LRRC4C: variants seen among roughly 807,000 people sequenced by gnomAD.
The protein encoded by LRRC4C is leucine-rich repeat-containing protein 4C.
Under a neutral mutation model 33.6 loss-of-function variants are expected in LRRC4C, and 5 were observed. That is an observed-to-expected ratio of 0.15 (90% CI 0.08 to 0.31). The LOEUF is 0.31. Ranked by LOEUF, LRRC4C falls within the 10% of genes least tolerant of loss-of-function variation. The pLI is 1.00. For synonymous variants in LRRC4C, 329 were observed against 302.0 expected, an observed-to-expected ratio of 1.09 and a Z score of -0.93; for missense variants, 560 against 796.7, an observed-to-expected ratio of 0.70 and a Z score of 3.58.
intron 1 of LRRC4C, among the ~76,000 whole-genome samples, chr11:41,016,971 T>C (rs1855630375): frequency 6.6e-6 from 1 of 152,158 alleles, no homozygotes; most frequent in South Asian, 2.1e-4. Flanking sequence ...CTCGGATAAT[T>C]TTTTAGTGTA....
At chr11:40,661,263 C>A (rs1309638753) in intron 2 of LRRC4C, among the ~76,000 whole-genome samples, 2 of 151,762 alleles carry the variant, frequency 1.3e-5, no homozygotes, top group Non-Finnish European at 2.9e-5. Flanking sequence ...AGAATATCAT[C>A]TATTTTCTAA....
At chr11:41,322,058 T>A (rs1950975156) in intron 1 of LRRC4C, among the ~76,000 whole-genome samples, 1 of 151,928 alleles carries the variant, frequency 6.6e-6, no homozygotes. Flanking sequence ...AGAGATGGGG[T>A]TTTACCATGT....
chr11:40,277,024 G>C (rs1422519922), intron 4 of LRRC4C, among the ~76,000 whole-genome samples: 2 of 152,104 alleles, frequency 1.3e-5, no homozygotes, highest in Non-Finnish European at 2.9e-5. Context: ...AAGGTAAAGA[G>C]TGTTAAGAGT....
rs140529151 is a variant in LRRC4C, at chr11:40,550,676, C to A, written c.-270+97466G>T. Among the ~76,000 whole-genome samples, 29 of 152,104 alleles carry A rather than the reference C, an allele frequency of 1.9e-4. No homozygotes were observed. The East Asian group carries it at 3.3e-3, about 17-fold the overall frequency. On this transcript the variant is annotated intron_variant, in intron 3 of 6. Transcript: ENST00000528697. ...AGTGTTATTTATGGTATATTATGAC[C>A]CAGTGGTGACACACAGAATGGTATT... is the stretch of plus-strand genomic sequence containing the variant.
At chr11:40,803,136 A>G (rs1029899696) in intron 2 of LRRC4C, among the ~76,000 whole-genome samples, 1 of 152,190 alleles carries the variant, frequency 6.6e-6, no homozygotes, top group Non-Finnish European at 1.5e-5. Flanking sequence ...TATTTCTGTA[A>G]TATTTGCTAT....
chr11:41,298,138 T>C (rs1011272340), intron 1 of LRRC4C, among the ~76,000 whole-genome samples: 2 of 152,170 alleles, frequency 1.3e-5, no homozygotes, highest in Non-Finnish European at 2.9e-5. Context: ...CAGAAAGCCA[T>C]GTACTTCCCA....
intron 1 of LRRC4C, among the ~76,000 whole-genome samples, chr11:41,184,300 C>T (rs1945591042): frequency 6.6e-6 from 1 of 151,570 alleles, no homozygotes; most frequent in Admixed American, 6.6e-5. Context: ...ATTTTTCAAA[C>T]CTTTATGCTC....
intron 1 of LRRC4C, among the ~76,000 whole-genome samples, chr11:41,094,394 T>G (rs960265691): frequency 6.6e-6 from 1 of 151,972 alleles, no homozygotes; most frequent in East Asian, 2.0e-4. Context: ...CCTGGTGGCG[T>G]GTGCCTGTAG....
rs367778282 is a variant in LRRC4C, at chr11:40,828,119, T to C, written c.-407+105516A>G. Among the ~76,000 whole-genome samples, 6 of 149,948 alleles carry C rather than the reference T, an allele frequency of 4.0e-5. No homozygotes were observed. In the South Asian group the frequency reaches 6.3e-4, roughly 16 times the overall value. ...AATTATACTTGAACAAAACGATATG[T>C]ATACTGCCCTTTATTTTGTATGTAT... On this transcript the variant is annotated intron_variant, in intron 2 of 6. Coordinates refer to ENST00000528697, the MANE Select transcript of LRRC4C (RefSeq NM_001258419.2).
chr11:40,955,017 C>G (rs1172401075), intron 1 of LRRC4C, among the ~76,000 whole-genome samples: 1 of 151,764 alleles, frequency 6.6e-6, no homozygotes, highest in Non-Finnish European at 1.5e-5. Context: ...TTGCACAGCC[C>G]CCACCTACAC....
At chr11:41,304,942 C>T (rs1950439331) in intron 1 of LRRC4C, among the ~76,000 whole-genome samples, 1 of 125,754 alleles carries the variant, frequency 8.0e-6, no homozygotes. Flanking sequence ...ACCTGCTGGG[C>T]CAGCCGCCCC....
intron 3 of LRRC4C, among the ~76,000 whole-genome samples, chr11:40,406,721 G>A (rs1949977543): frequency 6.6e-6 from 1 of 151,962 alleles, no homozygotes; most frequent in South Asian, 2.1e-4. Flanking sequence ...TCTAAAATAT[G>A]TATTGAAAAT....
At chr11:40,160,814 C>A (rs1267939262) in intron 5 of LRRC4C, among the ~76,000 whole-genome samples, 2 of 152,144 alleles carry the variant, frequency 1.3e-5, no homozygotes, top group African/African-American at 4.8e-5. Context: ...CCTATTTTCC[C>A]TAACCATGAT....
At chr11:41,192,181 T>C (rs910517568) in intron 1 of LRRC4C, among the ~76,000 whole-genome samples, 3 of 152,160 alleles carry the variant, frequency 2.0e-5, no homozygotes, top group Non-Finnish European at 4.4e-5. Flanking sequence ...TCATAGCATC[T>C]GACTTGGTAC....
At chr11:40,804,408 C>T (rs576879213) in intron 2 of LRRC4C, among the ~76,000 whole-genome samples, 1 of 152,194 alleles carries the variant, frequency 6.6e-6, no homozygotes, top group Admixed American at 6.5e-5. Context: ...TTCCTATGAC[C>T]CAAATATTCT....
intron 2 of LRRC4C, among the ~76,000 whole-genome samples, chr11:40,669,006 C>T (rs565444990): frequency 3.5e-4 from 54 of 152,280 alleles, no homozygotes; most frequent in African/African-American, 9.1e-4. Context: ...CAAATCTCTA[C>T]GGTTGTTGTG....
intron 1 of LRRC4C, among the ~76,000 whole-genome samples, chr11:41,036,217 C>T (rs1014047368): frequency 6.6e-6 from 1 of 152,040 alleles, no homozygotes; most frequent in African/African-American, 2.4e-5. Context: ...TTCAAGTAGC[C>T]TTCATTCTTA....
intron 3 of LRRC4C, among the ~76,000 whole-genome samples, chr11:40,374,028 A>T (rs1948563690): frequency 1.3e-5 from 2 of 152,182 alleles, no homozygotes; most frequent in Non-Finnish European, 2.9e-5. Context: ...TTTAAATGAA[A>T]CCAAAAGTAT....
At position 40,827,240 on chromosome 11, in the gene LRRC4C, T is replaced by C. The variant is rs145415340; in HGVS notation, c.-407+106395A>G. Among the ~76,000 whole-genome samples the C allele has an allele frequency of 3.5e-3, 528 of 151,960 alleles. 6 individuals carry two copies. Among genetic ancestry groups the C allele is most frequent in the African/African-American group, 0.012 (515 of 41,506 alleles). ...CTTAAATCCATTTTAGTTGTATAAA[T>C]GCATCTTATTTTTCATGTCAGATTT... is the stretch of plus-strand genomic sequence containing the variant. On this transcript the variant is annotated intron_variant, in intron 2 of 6. Transcript: ENST00000528697.
Sources: allele counts gnomAD v4.1 joint callset (sites outside exome capture counted in the v4.1 genomes callset), GRCh38; gene constraint gnomAD v4.1.1; transcripts MANE v1.5; gene names NCBI Gene and HGNC (gene_info 2026-07-23, HGNC 2026-07-21).